The following SGCZ variants were observed in gnomAD, a reference collection of about 807,000 sequenced individuals.
SGCZ encodes the protein sarcoglycan zeta.
A neutral mutation model predicts 41.3 loss-of-function variants in SGCZ; 40 were observed. The ratio of observed to expected loss-of-function variants is 0.97; its 90% CI spans 0.75 to 1.26. SGCZ has a LOEUF of 1.26. SGCZ is among the 50% of genes most tolerant of loss of function. The pLI is 0.00. For synonymous variants in SGCZ, 206 were observed against 137.5 expected (o/e 1.50, Z -3.49); for missense variants, 552 against 369.8 (o/e 1.49, Z -4.04).
At chr8:14,301,962 A>T (rs1002219833) in intron 3 of SGCZ, among the ~76,000 whole-genome samples, 1 of 152,130 alleles carries the variant, frequency 6.6e-6, no homozygotes, top group Non-Finnish European at 1.5e-5. Context: ...TTTCATTTAC[A>T]GTTCATTGAT....
At chr8:14,979,443 T>A (rs17608572) in intron 1 of SGCZ, among the ~76,000 whole-genome samples, 5,068 of 152,310 alleles carry the variant, frequency 0.033, 226 homozygotes, top group Admixed American at 0.13. Context: ...TGGGAAGTAA[T>A]GTACAAGGCT....
chr8:14,860,755 G>T (rs1300873533), intron 1 of SGCZ, among the ~76,000 whole-genome samples: 17 of 137,256 alleles, frequency 1.2e-4, no homozygotes, highest in African/African-American at 3.7e-4. Flanking sequence ...AGTAAGTGAG[G>T]GAGGGAGGGA....
chr8:14,567,631 C>A (rs1284202023), intron 1 of SGCZ, among the ~76,000 whole-genome samples: 1 of 152,094 alleles, frequency 6.6e-6, no homozygotes. Context: ...AGCTGGGGTC[C>A]CCTTCCACAG....
chr8:14,687,889 A>G (rs1399014321), intron 1 of SGCZ, among the ~76,000 whole-genome samples: 3 of 152,168 alleles, frequency 2.0e-5, no homozygotes, highest in African/African-American at 7.2e-5. Context: ...TTGTCATTCT[A>G]ACTGGTGTGA....
At chr8:14,555,020 G>A in intron 1 of SGCZ, 94 bp from the exon 2 acceptor site, 1 of 1,158,772 alleles carries the variant, frequency 8.6e-7, no homozygotes, top group Non-Finnish European at 1.2e-6. Flanking sequence ...AAAGAACAAT[G>A]TACGTTAAAA....
intron 1 of SGCZ, among the ~76,000 whole-genome samples, chr8:14,814,621 A>G (rs1018284474): frequency 1.3e-5 from 2 of 152,156 alleles, no homozygotes; most frequent in African/African-American, 4.8e-5. Flanking sequence ...TTATTTTAAG[A>G]GTTCAGAGAA....
chr8:15,098,853 G>C (rs1276285965), intron 1 of SGCZ, among the ~76,000 whole-genome samples: 1 of 152,214 alleles, frequency 6.6e-6, no homozygotes, highest in African/African-American at 2.4e-5. Context: ...GAGGTCAGGA[G>C]TTCAAGACCA....
intron 1 of SGCZ, among the ~76,000 whole-genome samples, chr8:15,039,026 G>A (rs114834249): frequency 0.049 from 7,497 of 152,110 alleles, 609 homozygotes; most frequent in African/African-American, 0.17. Context: ...GTACACTGTT[G>A]GTGGGAATGT....
chr8:14,954,990 T>C (rs757380120), intron 1 of SGCZ, among the ~76,000 whole-genome samples: 1 of 152,206 alleles, frequency 6.6e-6, no homozygotes, highest in Non-Finnish European at 1.5e-5. Flanking sequence ...AAATAAGATA[T>C]AGGACATTTT....
At chr8:14,190,734 C>T (rs749484508) in intron 4 of SGCZ, among the ~76,000 whole-genome samples, 10 of 152,006 alleles carry the variant, frequency 6.6e-5, no homozygotes, top group Non-Finnish European at 4.4e-5. Flanking sequence ...TCCCAAGTAG[C>T]TGGGACTACA....
At chr8:14,381,032 G>C (rs973803370) in intron 2 of SGCZ, among the ~76,000 whole-genome samples, 2 of 152,066 alleles carry the variant, frequency 1.3e-5, no homozygotes, top group Admixed American at 6.6e-5. Context: ...CCCTTAACTA[G>C]GGTCAATTTC....
intron 1 of SGCZ, among the ~76,000 whole-genome samples, chr8:14,854,626 G>C (rs1355762966): frequency 6.6e-6 from 1 of 152,054 alleles, no homozygotes; most frequent in African/African-American, 2.4e-5. Context: ...AAGATATTTT[G>C]AATACATACA....
At chr8:14,217,628 G>GTTT (rs1168241820) in intron 4 of SGCZ, among the ~76,000 whole-genome samples, 111 of 100,814 alleles carry the variant, frequency 1.1e-3, no homozygotes, top group African/African-American at 1.6e-3. Context: ...TTCAACTAAA[G>GTTT]TTTTTTTTTT....
At chr8:14,499,848 A>G (rs923300146) in intron 2 of SGCZ, among the ~76,000 whole-genome samples, 1 of 152,006 alleles carries the variant, frequency 6.6e-6, no homozygotes, top group African/African-American at 2.4e-5. Flanking sequence ...CCTCAAGAAC[A>G]GCTCTCTTCA....
At chr8:14,682,647 G>A (rs911839495) in intron 1 of SGCZ, among the ~76,000 whole-genome samples, 8 of 152,190 alleles carry the variant, frequency 5.3e-5, no homozygotes, top group African/African-American at 1.9e-4. Flanking sequence ...TGTTAGCCAG[G>A]ATGGTCTCGA....
intron 4 of SGCZ, among the ~76,000 whole-genome samples, chr8:14,219,050 C>G (rs4831554): frequency 0.99 from 151,574 of 152,336 alleles, 75,414 homozygotes; most frequent in East Asian, 1. Context: ...CTCATGTGCT[C>G]AGCAAAAATT....
intron 2 of SGCZ, among the ~76,000 whole-genome samples, chr8:14,372,646 G>A (rs536742367): frequency 5.3e-5 from 8 of 152,220 alleles, no homozygotes; most frequent in South Asian, 2.1e-4. Flanking sequence ...ACAAATAACT[G>A]AAGAGGGCAA....
intron 1 of SGCZ, among the ~76,000 whole-genome samples, chr8:15,114,150 C>T (rs1291716278): frequency 3.9e-5 from 6 of 152,014 alleles, no homozygotes; most frequent in African/African-American, 4.8e-5. Flanking sequence ...AACTTGCATC[C>T]GAATATATTA....
intron 1 of SGCZ, among the ~76,000 whole-genome samples, chr8:15,001,456 A>G (rs565784319): frequency 1.4e-4 from 22 of 152,258 alleles, no homozygotes; most frequent in Admixed American, 1.2e-3. Context: ...TAGGCCGGGC[A>G]TGGTGGCTCA....
Sources: allele counts gnomAD v4.1 joint callset (sites outside exome capture counted in the v4.1 genomes callset), GRCh38; gene constraint gnomAD v4.1.1; transcripts MANE v1.5; gene names NCBI Gene and HGNC (gene_info 2026-07-23, HGNC 2026-07-21).